Variants in ARHGEF10L observed in about 807,000 individuals in gnomAD.
ARHGEF10L encodes the protein Rho guanine nucleotide exchange factor 10 like.
Under a neutral mutation model 141.2 loss-of-function variants are expected in ARHGEF10L, and 69 were observed. That is an observed-to-expected ratio of 0.49 (90% CI 0.40 to 0.60). The LOEUF (loss-of-function observed/expected upper bound fraction) is 0.60, where lower values mean the gene tolerates loss of function less well. ARHGEF10L is among the 20% of genes least tolerant of loss of function. ARHGEF10L has a pLI of 0.00. For missense variants in ARHGEF10L, 1,482 were observed against 1,734.3 expected (o/e 0.85, Z 2.58); for synonymous variants, 711 against 718.5 (o/e 0.99, Z 0.17).
chr1:17,632,567 G>A (rs2060761176), intron 16 of ARHGEF10L, 101 bp downstream of exon 16: 3 of 1,498,118 alleles, frequency 2.0e-6, no homozygotes, highest in Admixed American at 1.7e-5. Context: ...GGGACCCCAT[G>A]TGAGCTTGGT....
In ARHGEF10L at chr1:17,648,607, G is replaced by A; in HGVS notation, c.2326G>A (p.Ala776Thr). 2 of 1,613,616 alleles carry A rather than the reference G, an allele frequency of 1.2e-6. No individual in the cohort carries two copies. The highest frequency in any genetic ancestry group is 1.7e-6 in the Non-Finnish European group (2 of 1,180,042). Residue 776 changes from alanine to threonine, a missense_variant, in exon 22 of 29, where the codon GCC becomes ACC. This residue lies in a region of ARHGEF10L where 858 missense variants were observed against 966.3 expected (regional missense o/e 0.89). Transcript: ENST00000361221. Reference sequence around the variant, plus strand: ...CCCGGATGAGGACAAGAAGAGCAAAGCCCCATTCTGGTGCCCGATCCTGGC... The same window carrying A: ...CCCGGATGAGGACAAGAAGAGCAAAACCCCATTCTGGTGCCCGATCCTGGC... ...LCPDEDKKSK[A>T]PFWCPILACC...
At position 17,637,982 on chromosome 1, in the gene ARHGEF10L, C is replaced by A; in HGVS notation, c.2022C>A (p.Ser674Arg). The change falls in exon 19 of 29, where the codon AGC becomes AGA. Residue 674 changes from serine to arginine, a missense_variant. Coordinates refer to ENST00000361221, the MANE Select transcript of ARHGEF10L (RefSeq NM_018125.4). The stretch of plus-strand genomic sequence containing the variant: ...TGGAGCAGATCACGCTTCTCATCAG[C>A]ACGCTGCACGGCACCTACCAGGTAC... ...AVVEQITLLISTLHGTYQNLN... is the reference protein window; with the variant it reads ...AVVEQITLLIRTLHGTYQNLN... The A allele has an allele frequency of 6.3e-7, 1 of 1,592,988 alleles. No homozygotes were observed.
chr1:17,669,438 T>G (rs1437923791), intron 26 of ARHGEF10L, among the ~76,000 whole-genome samples: 1 of 152,208 alleles, frequency 6.6e-6, no homozygotes, highest in Non-Finnish European at 1.5e-5. Flanking sequence ...CGCTTTGAGA[T>G]GAATACGATT....
intron 19 of ARHGEF10L, 67 bp from the exon 20 acceptor site, chr1:17,638,494 AG>A: frequency 6.3e-6 from 10 of 1,598,760 alleles, no homozygotes; most frequent in Non-Finnish European, 8.5e-6. Context: ...TGATTCCTAT[AG>A]GATCTGGTGT....
chr1:17,557,062 G>A (rs149098491), intron 1 of ARHGEF10L, among the ~76,000 whole-genome samples: 33 of 150,970 alleles, frequency 2.2e-4, no homozygotes, highest in African/African-American at 8.0e-4. Flanking sequence ...AGAAAATGTG[G>A]CCAAGTGCAG....
At position 17,656,786 on chromosome 1, in the gene ARHGEF10L, T is replaced by C; in HGVS notation, c.2860+78T>C. 4 of 1,505,064 alleles carry C rather than the reference T, an allele frequency of 2.7e-6. No individual in the cohort carries two copies. Among genetic ancestry groups the C allele is most frequent in the Middle Eastern group, 2.5e-4 (1 of 4,070 alleles). 93.2% of individuals were successfully genotyped at this position (1,505,064 alleles called of 1,614,324 possible). Reference sequence around the variant, plus strand: ...TGCCAGATTCTCTACCAAGAGAGGATACAGGAGGCTGGGCAGGAATGAATT... The same window carrying C: ...TGCCAGATTCTCTACCAAGAGAGGACACAGGAGGCTGGGCAGGAATGAATT... On this transcript the variant is annotated intron_variant, in intron 25 of 28. Transcript: ENST00000361221. This position sits in a 1 kb window ranked among gnomAD's most constrained non-coding sequence, Gnocchi z 4.9.
At chr1:17,674,510 C>T (rs761457732) in intron 26 of ARHGEF10L, among the ~76,000 whole-genome samples, 19 of 152,166 alleles carry the variant, frequency 1.2e-4, no homozygotes, top group Non-Finnish European at 2.4e-4. Context: ...GCCACTGATC[C>T]GAGGAGCCCA....
At chr1:17,560,719 C>T (rs1364975679) in intron 1 of ARHGEF10L, among the ~76,000 whole-genome samples, 1 of 152,236 alleles carries the variant, frequency 6.6e-6, no homozygotes, top group Non-Finnish European at 1.5e-5. Context: ...GCATGCACCA[C>T]CACACCCAGC....
In ARHGEF10L at chr1:17,603,736, C is replaced by T. The variant is rs182529234; in HGVS notation, c.433+145C>T. 1.3e-5 allele frequency: 10 copies of T among 756,812 alleles called. No individual in the cohort carries two copies. Among genetic ancestry groups the T allele is most frequent in the South Asian group, 4.8e-5 (2 of 41,410 alleles). The allele number at this position is 756,812 out of a possible 1,614,324, so 46.9% of individuals were successfully genotyped here. A position where few individuals can be genotyped will look rare whatever the true frequency, so the allele number is the denominator to read the frequency against. On this transcript the variant is annotated intron_variant, in intron 6 of 28. Coordinates refer to ENST00000361221, the MANE Select transcript of ARHGEF10L (RefSeq NM_018125.4). This position sits in a 1 kb window ranked among gnomAD's most constrained non-coding sequence, Gnocchi z 4.8. ...TGTCTTTAGAAACAACTGTAGTCATCGGGGAGAATCTGGAGATGGCTGAGG... is the reference window on the plus strand; with the variant it reads ...TGTCTTTAGAAACAACTGTAGTCATTGGGGAGAATCTGGAGATGGCTGAGG...
upstream of ARHGEF10L, among the ~76,000 whole-genome samples, chr1:17,539,469 G>A (rs914842618): frequency 2.6e-5 from 4 of 151,214 alleles, no homozygotes; most frequent in African/African-American, 9.7e-5. The surrounding 1 kb of genome is among the most constrained non-coding windows in gnomAD (Gnocchi z 6.0). Context: ...GTCGCCGTGT[G>A]GCCGGGGCCG....
intron 1 of ARHGEF10L, among the ~76,000 whole-genome samples, chr1:17,547,076 C>T (rs376179163): frequency 2.0e-5 from 3 of 152,202 alleles, no homozygotes; most frequent in South Asian, 2.1e-4. Context: ...GGGCCTGGCC[C>T]GGCTGTGCCT....
intron 27 of ARHGEF10L, chr1:17,694,918 G>A (rs1344284105): frequency 1.5e-6 from 1 of 678,978 alleles, no homozygotes; most frequent in Non-Finnish European, 2.7e-6. Context: ...CCGTATGGCA[G>A]CCCCACTTTA....
At chr1:17,679,207 C>G (rs1312311263) in intron 26 of ARHGEF10L, among the ~76,000 whole-genome samples, 1 of 152,160 alleles carries the variant, frequency 6.6e-6, no homozygotes, top group Non-Finnish European at 1.5e-5. Context: ...GAGACCTTAA[C>G]CAGTTTGCTG....
rs548772128 is a variant in ARHGEF10L, at chr1:17,586,843, G to A, written c.38-617G>A. Reference sequence around the variant, plus strand: ...GAGGAGGACAGGAGTTCATAGTCACGAAAGGGGTTCCCCAGGAGGGTAAAA... The same window carrying A: ...GAGGAGGACAGGAGTTCATAGTCACAAAAGGGGTTCCCCAGGAGGGTAAAA... On this transcript the variant is annotated intron_variant, in intron 2 of 28. Transcript: ENST00000361221. Among the ~76,000 whole-genome samples the A allele has an allele frequency of 2.6e-5, 4 of 152,178 alleles. No homozygotes were observed. In the South Asian group the frequency reaches 8.3e-4, roughly 32 times the overall value.
chr1:17,647,029 G>T (rs974747100), intron 21 of ARHGEF10L, among the ~76,000 whole-genome samples: 1 of 152,090 alleles, frequency 6.6e-6, no homozygotes, highest in African/African-American at 2.4e-5. Flanking sequence ...GGGGGCCCCA[G>T]TGTGGCTGGC....
At chr1:17,543,373 G>A (rs990099057) in intron 1 of ARHGEF10L, among the ~76,000 whole-genome samples, 1 of 151,998 alleles carries the variant, frequency 6.6e-6, no homozygotes, top group African/African-American at 2.4e-5. Flanking sequence ...CCCTGAGGTC[G>A]GGAGTTCGAG....
chr1:17,616,899 T>G (rs2059839045), intron 9 of ARHGEF10L, among the ~76,000 whole-genome samples: 2 of 152,198 alleles, frequency 1.3e-5, no homozygotes, highest in South Asian at 4.1e-4. Context: ...AGAGATGCTC[T>G]TAGTCAGCAC....
At chr1:17,696,754 C>T in intron 28 of ARHGEF10L, 94 bp from the exon 29 acceptor site, 1 of 1,136,074 alleles carries the variant, frequency 8.8e-7, no homozygotes, top group Admixed American at 2.7e-5. Flanking sequence ...CCCCCAAATA[C>T]CCACCCAGAA....
chr1:17,684,316 G>T (rs2064383686), intron 26 of ARHGEF10L, among the ~76,000 whole-genome samples: 1 of 152,230 alleles, frequency 6.6e-6, no homozygotes, highest in Non-Finnish European at 1.5e-5. Flanking sequence ...ATACATCGCA[G>T]GAAGAGAGAA....
Sources: allele counts gnomAD v4.1 joint callset (sites outside exome capture counted in the v4.1 genomes callset), GRCh38; gene constraint gnomAD v4.1.1; regional missense constraint gnomAD v4.1.1; non-coding constraint Gnocchi (gnomAD v3.1); transcripts MANE v1.5; gene names NCBI Gene and HGNC (gene_info 2026-07-23, HGNC 2026-07-21).